The following F13B variants were observed in gnomAD, a reference collection of about 807,000 sequenced individuals.
F13B encodes TGase.
A neutral mutation model predicts 79.8 loss-of-function variants in F13B; 58 were observed. That is an observed-to-expected ratio of 0.73 (90% CI 0.59 to 0.90). The LOEUF is 0.90. Ranked by LOEUF, F13B falls within the 40% of genes least tolerant of loss-of-function variation. The pLI, the probability that F13B is intolerant of heterozygous loss-of-function variation, is 0.00. For missense variants in F13B, 773 were observed against 777.0 expected (o/e 0.99, Z 0.06); for synonymous variants, 283 against 260.3 (o/e 1.09, Z -0.84).
intron 10 of F13B, among the ~76,000 whole-genome samples, chr1:197,048,491 C>T (rs1199282877): frequency 1.3e-5 from 2 of 151,312 alleles, no homozygotes; most frequent in African/African-American, 4.9e-5. Flanking sequence ...CTAAAGGAGA[C>T]CTCAAGGCAA....
At chr1:197,066,968 T>C (rs1056947510) in intron 1 of F13B, among the ~76,000 whole-genome samples, 192 bp downstream of exon 1, 6 of 152,128 alleles carry the variant, frequency 3.9e-5, no homozygotes, top group African/African-American at 1.2e-4. Context: ...TTCTGACTTA[T>C]GCTACTGTAA....
chr1:197,040,491 A>C, intron 11 of F13B, 31 bp downstream of exon 11: 1 of 1,525,202 alleles, frequency 6.6e-7, no homozygotes, highest in Non-Finnish European at 9.1e-7. Flanking sequence ...ACCAAAAAAA[A>C]TAATCTGACC....
intron 3 of F13B, 132 bp downstream of exon 3, chr1:197,061,652 T>G (rs1030763693): frequency 1.3e-6 from 1 of 782,524 alleles, no homozygotes; most frequent in African/African-American, 1.7e-5. Context: ...AGCAATGTAA[T>G]ATCAACTTCC....
rs1454309374 is a variant in F13B, at chr1:197,038,946, T to C, written c.*432A>G. 1.3e-5 allele frequency among the ~76,000 whole-genome samples: 2 copies of C among 152,042 alleles called. No homozygotes were observed. The highest frequency in any genetic ancestry group is 2.9e-5 in the Non-Finnish European group (2 of 67,984). On this transcript the variant is annotated 3_prime_UTR_variant, in exon 12 of 12. Coordinates refer to ENST00000367412, the MANE Select transcript of F13B (RefSeq NM_001994.3). ...AAGGCAGATCCTCTAATACAGCATA[T>C]AGTTTCTTATCTCTAGTGTGTTTGG...
intron 10 of F13B, among the ~76,000 whole-genome samples, chr1:197,045,554 G>A (rs1655198226): frequency 6.6e-6 from 1 of 152,094 alleles, no homozygotes; most frequent in South Asian, 2.1e-4. Flanking sequence ...GGACCAGATG[G>A]ATTCACAGCC....
intron 1 of F13B, among the ~76,000 whole-genome samples, chr1:197,065,911 T>A (rs907917191): frequency 5.9e-5 from 9 of 152,054 alleles, no homozygotes; most frequent in Non-Finnish European, 1.0e-4. Context: ...CACAATTAAT[T>A]CAATTCTTGT....
intron 10 of F13B, among the ~76,000 whole-genome samples, chr1:197,045,238 G>A (rs1655186782): frequency 6.6e-6 from 1 of 151,688 alleles, no homozygotes; most frequent in South Asian, 2.1e-4. Context: ...TTTTAAAAAA[G>A]ATAAACAAAC....
intron 5 of F13B, among the ~76,000 whole-genome samples, chr1:197,058,492 A>G (rs17514584): frequency 0.015 from 2,311 of 152,292 alleles, 53 homozygotes; most frequent in African/African-American, 0.049. Flanking sequence ...GAGGAGAATC[A>G]GCTACTTTGC....
chr1:197,054,121 A>G (rs1655553532), intron 8 of F13B, among the ~76,000 whole-genome samples: 1 of 152,124 alleles, frequency 6.6e-6, no homozygotes. Flanking sequence ...CCTGATAACA[A>G]TGATTAATCT....
chr1:197,044,897 C>T (rs147419255), intron 10 of F13B, among the ~76,000 whole-genome samples: 5 of 151,982 alleles, frequency 3.3e-5, no homozygotes, highest in Non-Finnish European at 5.9e-5. Flanking sequence ...ACAGCCTACT[C>T]CTGAATGACT....
intron 10 of F13B, among the ~76,000 whole-genome samples, chr1:197,042,718 AGCTGAGGC>A (rs1655084522): frequency 6.7e-6 from 1 of 150,166 alleles, no homozygotes; most frequent in Non-Finnish European, 1.5e-5. Flanking sequence ...TACTCGGGAA[AGCTGAGGC>A]AGAAGAATCT....
intron 2 of F13B, among the ~76,000 whole-genome samples, chr1:197,062,347 G>A (rs1655895271): frequency 6.6e-6 from 1 of 152,128 alleles, no homozygotes; most frequent in South Asian, 2.1e-4. Flanking sequence ...AATGAAATGA[G>A]TCAATTAGAT....
Position 197,057,065 on chromosome 1 carries a change from C to A in F13B, c.1119G>T (p.Ser373=), listed in dbSNP as rs748779845. The change falls in exon 7 of 12, where the codon TCG becomes TCT. Residue 373 remains serine (S), a synonymous_variant. Transcript: ENST00000367412. ...ACKSGYLLHG[S]NEITCNRGKW... is the part of the protein sequence containing the mutation. ...TTCCACGATTACAAGTTATCTCATT[C>A]GATCCATGGAGAAGGTAGCCGCTTT... The A allele has an allele frequency of 6.2e-7, 1 of 1,613,572 alleles. No individual in the cohort carries two copies. Among genetic ancestry groups the A allele is most frequent in the Non-Finnish European group, 8.5e-7 (1 of 1,179,878 alleles).
intron 1 of F13B, among the ~76,000 whole-genome samples, chr1:197,064,086 G>A (rs17514528): frequency 1.3e-5 from 2 of 152,134 alleles, no homozygotes; most frequent in Admixed American, 1.3e-4. Context: ...TCAGGGAAAT[G>A]AAAATTTAAA....
intron 7 of F13B, 133 bp downstream of exon 7, chr1:197,056,880 G>C: frequency 1.3e-6 from 1 of 793,864 alleles, no homozygotes; most frequent in South Asian, 1.6e-5. Flanking sequence ...AAGCAGAAGA[G>C]TAGGTGCTGT....
chr1:197,040,000 T>A (rs992443892), intron 11 of F13B: 1 of 153,258 alleles, frequency 6.5e-6, no homozygotes, highest in Non-Finnish European at 1.5e-5. Flanking sequence ...TATACTTTTT[T>A]AACATTTCTC....
intron 2 of F13B, among the ~76,000 whole-genome samples, chr1:197,062,436 T>C (rs765853210): frequency 3.3e-5 from 5 of 152,166 alleles, no homozygotes; most frequent in Admixed American, 1.3e-4. Flanking sequence ...ATGAGAGAAG[T>C]TGGCACATGA....
chr1:197,056,222 T>A (rs1655635934), intron 7 of F13B, among the ~76,000 whole-genome samples: 1 of 152,208 alleles, frequency 6.6e-6, no homozygotes, highest in Admixed American at 6.5e-5. Flanking sequence ...AAAATTGCTC[T>A]TTGGCATTAC....
Position 197,062,938 on chromosome 1 carries a change from C to CA in F13B, c.183dup (p.Gly62TrpfsTer5). The CA allele has an allele frequency of 6.2e-7, 1 of 1,613,876 alleles. No homozygotes were observed. Among genetic ancestry groups the CA allele is most frequent in the South Asian group, 1.1e-5 (1 of 91,084 alleles). ...TGTCTTCCACTTTCAGTGGTATAAC[C>CA]AGCCAAGCAGAAAAATGACAATTTT... On this transcript the variant is annotated frameshift_variant, in exon 2 of 12. Coordinates refer to ENST00000367412, the MANE Select transcript of F13B (RefSeq NM_001994.3). LOFTEE classifies it high-confidence loss of function.
Sources: allele counts gnomAD v4.1 joint callset (sites outside exome capture counted in the v4.1 genomes callset), GRCh38; gene constraint gnomAD v4.1.1; transcripts MANE v1.5; gene names NCBI Gene and HGNC (gene_info 2026-07-23, HGNC 2026-07-21).